SCUBE1: variants seen among roughly 807,000 people sequenced by gnomAD.
SCUBE1 encodes signal peptide, CUB and EGF-like domain-containing protein 1.
In SCUBE1, 59 loss-of-function variants were observed where a neutral mutation model predicts 124.4. The observed-to-expected ratio is 0.47, with a 90% CI of 0.38 to 0.59. The LOEUF (loss-of-function observed/expected upper bound fraction) is 0.59. Among genes scored for constraint, SCUBE1 ranks in the 20% least tolerant of loss-of-function variants. The probability of loss-of-function intolerance (pLI) is 0.00; values close to 1 mark genes in which losing one functional copy is unlikely to be tolerated. For synonymous variants in SCUBE1, 545 were observed against 550.9 expected, an observed-to-expected ratio of 0.99 and a Z score of 0.15; for missense variants, 1,150 against 1,371.2, an observed-to-expected ratio of 0.84 and a Z score of 2.55.
intron 3 of SCUBE1, among the ~76,000 whole-genome samples, chr22:43,310,880 G>A (rs1443611093): frequency 6.6e-6 from 1 of 152,172 alleles, no homozygotes; most frequent in Non-Finnish European, 1.5e-5. Context: ...CTGGGCTCAT[G>A]CAATCCTCCC....
chr22:43,204,157 A>ATCTC lies in SCUBE1; in HGVS notation c.2815-9_2815-8insGAGA. 1.2e-6 allele frequency: 2 copies of ATCTC among 1,613,206 alleles called. No individual in the cohort carries two copies. The highest frequency in any genetic ancestry group is 3.3e-4 in the Middle Eastern group (2 of 6,060). On this transcript the variant is annotated splice_polypyrimidine_tract_variant and intron_variant, in intron 21 of 21. Transcript: ENST00000360835. ...CTTGATCAGCTTCTTGTCCTGTAAGATAGAGTGGGTGGGAGGCAGGGGAGG... is the reference window on the plus strand; with the variant it reads ...CTTGATCAGCTTCTTGTCCTGTAAGATCTCTAGAGTGGGTGGGAGGCAGGGGAGG...
intron 2 of SCUBE1, among the ~76,000 whole-genome samples, chr22:43,324,546 T>C (rs950699976): frequency 4.6e-5 from 7 of 152,184 alleles, no homozygotes; most frequent in Non-Finnish European, 1.0e-4. Flanking sequence ...TGAAATTTTG[T>C]TCTAAAATCA....
At chr22:43,321,227 C>T (rs1569030100) in intron 2 of SCUBE1, among the ~76,000 whole-genome samples, 1 of 152,202 alleles carries the variant, frequency 6.6e-6, no homozygotes, top group Admixed American at 6.5e-5. Flanking sequence ...GTTCCAGCTA[C>T]GAAAGTGGGG....
At position 43,338,586 on chromosome 22, in the gene SCUBE1, C is replaced by T. The variant is rs1464683946; in HGVS notation, c.220+518G>A. 5.9e-5 allele frequency among the ~76,000 whole-genome samples: 9 copies of T among 152,142 alleles called. No homozygotes were observed. The South Asian group carries it at 6.2e-4, about 11-fold the overall frequency. Reference sequence around the variant, plus strand: ...TGTCGCCCAAGCTGGAGTGCAGTGGCGCCATCTCGGCTCACTGCAACCTCT... The same window carrying T: ...TGTCGCCCAAGCTGGAGTGCAGTGGTGCCATCTCGGCTCACTGCAACCTCT... On this transcript the variant is annotated intron_variant, in intron 2 of 21. Transcript: ENST00000360835.
chr22:43,287,524 G>A (rs1925192654), intron 4 of SCUBE1, among the ~76,000 whole-genome samples: 1 of 152,248 alleles, frequency 6.6e-6, no homozygotes. Flanking sequence ...CGCCTAGAAA[G>A]CAGGGCCACT....
At chr22:43,270,876 T>C (rs994226372) in intron 4 of SCUBE1, among the ~76,000 whole-genome samples, 2 of 152,202 alleles carry the variant, frequency 1.3e-5, no homozygotes, top group Non-Finnish European at 2.9e-5. Flanking sequence ...CTGCACCCAG[T>C]GCCCAAAGGG....
At chr22:43,248,896 C>A (rs906049118) in intron 6 of SCUBE1, among the ~76,000 whole-genome samples, 4 of 152,220 alleles carry the variant, frequency 2.6e-5, no homozygotes, top group African/African-American at 4.8e-5. Context: ...CTCCAGGAAG[C>A]CTTCATTCAT....
intron 16 of SCUBE1, 30 bp downstream of exon 16, chr22:43,214,060 C>G: frequency 2.0e-5 from 11 of 540,042 alleles, no homozygotes; most frequent in Non-Finnish European, 3.1e-5. Flanking sequence ...CACCCCCCAC[C>G]CCCACCTCTC....
intron 15 of SCUBE1, among the ~76,000 whole-genome samples, chr22:43,216,516 G>A (rs920217118): frequency 4.6e-5 from 7 of 151,816 alleles, no homozygotes; most frequent in East Asian, 2.0e-4. Context: ...AGCCGGACAC[G>A]GTGGCGCGCA....
At chr22:43,233,386 C>T (rs1016218121) in intron 7 of SCUBE1, 3 of 152,222 alleles carry the variant, frequency 2.0e-5, no homozygotes, top group African/African-American at 7.2e-5. Flanking sequence ...TAATAATAAT[C>T]AGTGCTGCCT....
At position 43,343,345 on chromosome 22, in the gene SCUBE1, T is replaced by C. The variant is rs1927399679; in HGVS notation, c.-84A>G. 3 of 620,616 alleles carry C rather than the reference T, an allele frequency of 4.8e-6. No homozygotes were observed. Among genetic ancestry groups the C allele is most frequent in the Non-Finnish European group, 6.2e-6 (3 of 484,400 alleles). 38.4% of individuals were successfully genotyped at this position (620,616 alleles called of 1,614,324 possible). ...GGCCGCTCCCGCAGGCGCTGCTCGC[T>C]GCTCGCCGCTCCGCCACCGCTCGGG... On this transcript the variant is annotated 5_prime_UTR_variant, in exon 1 of 22. Coordinates refer to ENST00000360835, the MANE Select transcript of SCUBE1 (RefSeq NM_173050.5).
chr22:43,221,132 A>C (rs775883216), intron 13 of SCUBE1, 41 bp downstream of exon 13: 2 of 1,516,514 alleles, frequency 1.3e-6, no homozygotes, highest in South Asian at 2.2e-5. Flanking sequence ...ACTCTCCTAC[A>C]GCCCCGTTGG....
At position 43,207,568 on chromosome 22, in the gene SCUBE1, A is replaced by G; in HGVS notation, c.2780T>C (p.Leu927Pro). ...TTCCTGGTGGTTCTCCGAGGCGTAC[A>G]GGCGCCCATCGCGCACGATGTCCTC... ...LIEDIVRDGR[L>P]YASENHQEIL... The change falls in exon 21 of 22, where the codon CTG becomes CCG. Residue 927 changes from leucine (L) to proline (P), a missense_variant. Physicochemically the swap from Leu to Pro is moderately conservative, Grantham distance 98 (BLOSUM62 -3). Transcript: ENST00000360835. 2.5e-6 allele frequency: 4 copies of G among 1,614,080 alleles called. No homozygotes were observed. The highest frequency in any genetic ancestry group is 3.4e-6 in the Non-Finnish European group (4 of 1,179,968).
intron 4 of SCUBE1, among the ~76,000 whole-genome samples, chr22:43,280,739 C>CGGCCACCCTCCTGTCACCTCCCTCATT (rs1369802070): frequency 1.4e-5 from 1 of 73,848 alleles, no homozygotes; most frequent in Non-Finnish European, 2.7e-5. Context: ...CCTTCCTCCT[C>CGGCCACCCTCCTGTCACCTCCCTCATT]GGCCACCCTC....
intron 4 of SCUBE1, among the ~76,000 whole-genome samples, chr22:43,288,714 G>A (rs1311790829): frequency 6.6e-6 from 1 of 152,206 alleles, no homozygotes; most frequent in African/African-American, 2.4e-5. Context: ...CATAGCTAGC[G>A]TGCCTGGCTC....
chr22:43,284,483 C>T (rs147797088), intron 4 of SCUBE1, among the ~76,000 whole-genome samples: 225 of 152,344 alleles, frequency 1.5e-3, no homozygotes, highest in African/African-American at 5.0e-3. Context: ...ATACTTGGGC[C>T]GACAACTGAG....
intron 7 of SCUBE1, among the ~76,000 whole-genome samples, chr22:43,236,502 T>G (rs1922767858): frequency 6.6e-6 from 1 of 152,194 alleles, no homozygotes; most frequent in African/African-American, 2.4e-5. Flanking sequence ...CAGTTCAAAA[T>G]GAAAACCTGG....
At position 43,273,561 on chromosome 22, in the gene SCUBE1, CTTT is replaced by C. The variant is rs1056252584; in HGVS notation, c.485-10719_485-10717del. Among the ~76,000 whole-genome samples, 1,059 of 60,952 alleles carry C rather than the reference CTTT, an allele frequency of 0.017. 58 individuals are homozygous for C. In the East Asian group the frequency reaches 0.32, roughly 18 times the overall value. 40.0% of individuals were successfully genotyped at this position (60,952 alleles called of 152,430 possible). A position where few individuals can be genotyped will look rare whatever the true frequency, so the allele number is the denominator to read the frequency against. On this transcript the variant is annotated intron_variant, in intron 4 of 21. Transcript: ENST00000360835. ...TATAAAGTGGGGAGACTAAAACCCT[CTTT>C]TTTTTTTTTTTTTTTTTTTTTGAGA...
chr22:43,311,418 T>C (rs1019818774), intron 3 of SCUBE1, among the ~76,000 whole-genome samples: 7 of 140,016 alleles, frequency 5.0e-5, no homozygotes, highest in Non-Finnish European at 9.2e-5. Context: ...ATTCCTAATG[T>C]AGCACTTTTT....
Sources: allele counts gnomAD v4.1 joint callset (sites outside exome capture counted in the v4.1 genomes callset), GRCh38; gene constraint gnomAD v4.1.1; transcripts MANE v1.5; gene names NCBI Gene and HGNC (gene_info 2026-07-23, HGNC 2026-07-21).